JARID2: variants seen among roughly 807,000 people sequenced by gnomAD.
The protein encoded by JARID2 is protein Jumonji.
JARID2 carries 21 observed loss-of-function variants against 125.6 expected under a neutral mutation model. The ratio of observed to expected loss-of-function variants is 0.17; its 90% CI spans 0.12 to 0.24. The LOEUF (loss-of-function observed/expected upper bound fraction) is 0.24. Ranked by LOEUF, JARID2 falls within the 10% of genes least tolerant of loss-of-function variation. The pLI, the probability that JARID2 is intolerant of heterozygous loss-of-function variation, is 1.00. For missense variants in JARID2, 1,303 were observed against 1,639.6 expected (o/e 0.79, Z 3.55); for synonymous variants, 736 against 661.6 (o/e 1.11, Z -1.73).
chr6:15,469,408 C>CTCTCCGCT (rs1171970440), intron 5 of JARID2, among the ~76,000 whole-genome samples: 10 of 107,122 alleles, frequency 9.3e-5, no homozygotes, highest in Non-Finnish European at 1.9e-4. Flanking sequence ...CCCTCTCCCC[C>CTCTCCGCT]TCTCCGCTTC....
chr6:15,455,280 AAAT>A (rs985868247), intron 4 of JARID2, among the ~76,000 whole-genome samples: 12 of 151,938 alleles, frequency 7.9e-5, no homozygotes, highest in African/African-American at 2.2e-4. Context: ...TTTAAATGAC[AAAT>A]AATAATTGTA....
chr6:15,450,466 G>A (rs1253201612), intron 3 of JARID2, among the ~76,000 whole-genome samples: 1 of 152,074 alleles, frequency 6.6e-6, no homozygotes, highest in Non-Finnish European at 1.5e-5. Context: ...CACTGCGCCC[G>A]GCACTTATTT....
intron 1 of JARID2, among the ~76,000 whole-genome samples, chr6:15,306,114 G>A (rs1581393138): frequency 6.6e-6 from 1 of 152,104 alleles, no homozygotes; most frequent in Admixed American, 6.5e-5. Flanking sequence ...CCGGGTTTCT[G>A]TTGGCAAGTA....
intron 5 of JARID2, among the ~76,000 whole-genome samples, chr6:15,476,088 A>G (rs1347811088): frequency 6.6e-6 from 1 of 152,196 alleles, no homozygotes; most frequent in Non-Finnish European, 1.5e-5. Flanking sequence ...CAGGAAATCT[A>G]GCAACATCTG....
Position 15,338,044 on chromosome 6 carries a change from A to G in JARID2, c.46-36073A>G, listed in dbSNP as rs114995882. On this transcript the variant is annotated intron_variant, in intron 1 of 17. Transcript: ENST00000341776. ...CTTCATGGTGTAAACAGGCCCAGGG[A>G]ACTCAGTTTGCCGACAGCAGGGAGA... Among the ~76,000 whole-genome samples the G allele has an allele frequency of 4.8e-3, 735 of 152,288 alleles. 7 individuals carry two copies. Among genetic ancestry groups the G allele is most frequent in the African/African-American group, 0.016 (679 of 41,554 alleles).
Position 15,400,278 on chromosome 6 carries a change from T to A in JARID2, c.182-9946T>A, listed in dbSNP as rs562661065. The stretch of plus-strand genomic sequence containing the variant: ...ATAAGTAATGAGGCTCCGTGGAAGC[T>A]GGAATCAGAGTAAGGGGGAGGGCGG... On this transcript the variant is annotated intron_variant, in intron 2 of 17. Transcript: ENST00000341776. 2.6e-5 allele frequency among the ~76,000 whole-genome samples: 4 copies of A among 151,188 alleles called. No homozygotes were observed. The East Asian group carries it at 7.8e-4, about 30-fold the overall frequency.
intron 3 of JARID2, among the ~76,000 whole-genome samples, chr6:15,444,919 C>T (rs139102160): frequency 1.7e-4 from 26 of 152,166 alleles, no homozygotes; most frequent in Non-Finnish European, 3.7e-4. Context: ...AACAGCTGTG[C>T]ATTCACTTTA....
At chr6:15,295,413 T>C (rs1453125725) in intron 1 of JARID2, among the ~76,000 whole-genome samples, 1 of 152,124 alleles carries the variant, frequency 6.6e-6, no homozygotes, top group Non-Finnish European at 1.5e-5. Flanking sequence ...GAGCCACTGC[T>C]CCTGTCATTT....
intron 1 of JARID2, among the ~76,000 whole-genome samples, chr6:15,363,315 T>C (rs1443227516): frequency 6.6e-6 from 1 of 152,184 alleles, no homozygotes; most frequent in Non-Finnish European, 1.5e-5. Flanking sequence ...TAGCATCACC[T>C]GAGAGAATCT....
chr6:15,460,814 C>G (rs945160769), intron 4 of JARID2, among the ~76,000 whole-genome samples: 1 of 152,198 alleles, frequency 6.6e-6, no homozygotes, highest in Non-Finnish European at 1.5e-5. Context: ...AAGGTATTCT[C>G]CTGTCTCAGC....
chr6:15,261,019 C>A (rs1031698566), intron 1 of JARID2, among the ~76,000 whole-genome samples: 1 of 152,078 alleles, frequency 6.6e-6, no homozygotes, highest in Admixed American at 6.6e-5. Flanking sequence ...TAGGCAAAAG[C>A]CTCTTGGGAG....
chr6:15,513,410 C>T lies in JARID2; in HGVS notation c.3438C>T (p.Cys1146=). The part of the protein sequence containing the change: ...ERRCQICQHL[C]YLSMVVQENE... ...GGTGTCAGATCTGCCAGCACCTGTGCTACCTGTCCATGGTGAGCCCGCCTG... is the reference window on the plus strand; with the variant it reads ...GGTGTCAGATCTGCCAGCACCTGTGTTACCTGTCCATGGTGAGCCCGCCTG... Residue 1146 remains cysteine, a synonymous_variant, in exon 16 of 18, where the codon TGC becomes TGT. Coordinates refer to ENST00000341776, the MANE Select transcript of JARID2 (RefSeq NM_004973.4). 5 of 1,606,906 alleles carry T rather than the reference C, an allele frequency of 3.1e-6. No individual in the cohort carries two copies. The highest frequency in any genetic ancestry group is 4.3e-6 in the Non-Finnish European group (5 of 1,175,694).
intron 3 of JARID2, among the ~76,000 whole-genome samples, chr6:15,432,879 C>T (rs906575659): frequency 2.6e-5 from 4 of 152,204 alleles, no homozygotes; most frequent in African/African-American, 9.6e-5. Flanking sequence ...GCAACCATTA[C>T]ACCTTATAGC....
intron 3 of JARID2, among the ~76,000 whole-genome samples, chr6:15,420,521 A>T (rs1381262300): frequency 6.6e-6 from 1 of 152,084 alleles, no homozygotes; most frequent in Non-Finnish European, 1.5e-5. Flanking sequence ...ATTTGAGTAT[A>T]TGTGCTATTT....
intron 6 of JARID2, 94 bp from the exon 7 acceptor site, chr6:15,496,011 ACAGGCTGCTGGCTCTGTTCATCCCCAG>A: frequency 1.3e-6 from 1 of 777,530 alleles, no homozygotes; most frequent in Non-Finnish European, 2.1e-6. Flanking sequence ...TTATCACACT[ACAGGCTGCTGGCTCTGTTCATCCCCAG>A]CATCCAGGGT....
chr6:15,431,657 A>G (rs1766972412), intron 3 of JARID2, among the ~76,000 whole-genome samples: 1 of 152,248 alleles, frequency 6.6e-6, no homozygotes, highest in East Asian at 1.9e-4. Flanking sequence ...GTTTCTAAAG[A>G]AAGTGTTGAA....
chr6:15,442,128 T>TA (rs1767474812), intron 3 of JARID2, among the ~76,000 whole-genome samples: 1 of 150,978 alleles, frequency 6.6e-6, no homozygotes, highest in Non-Finnish European at 1.5e-5. Context: ...AAAAAGGAAG[T>TA]AAAACAGGAT....
At chr6:15,498,072 G>A (rs1040752885) in intron 7 of JARID2, among the ~76,000 whole-genome samples, 2 of 152,182 alleles carry the variant, frequency 1.3e-5, no homozygotes, top group South Asian at 4.1e-4. Context: ...TGAGGTACTG[G>A]AGGTCAGGGC....
intron 2 of JARID2, among the ~76,000 whole-genome samples, chr6:15,383,552 C>G (rs979902655): frequency 3.9e-5 from 6 of 152,064 alleles, no homozygotes; most frequent in Non-Finnish European, 1.5e-5. Context: ...ATAGCAAAAT[C>G]CCCCATAAGA....
Sources: allele counts gnomAD v4.1 joint callset (sites outside exome capture counted in the v4.1 genomes callset), GRCh38; gene constraint gnomAD v4.1.1; transcripts MANE v1.5; gene names NCBI Gene and HGNC (gene_info 2026-07-23, HGNC 2026-07-21).